CLOCK: variants seen among roughly 807,000 people sequenced by gnomAD.
CLOCK encodes clock circadian regulator.
CLOCK carries 43 observed loss-of-function variants against 118.4 expected under a neutral mutation model. The ratio of observed to expected loss-of-function variants is 0.36; its 90% CI spans 0.28 to 0.47. The LOEUF is 0.47. Among genes scored for constraint, CLOCK ranks in the 20% least tolerant of loss-of-function variants. The pLI is 1.00. For missense variants in CLOCK, 846 were observed against 999.9 expected, an observed-to-expected ratio of 0.85 and a Z score of 2.08; for synonymous variants, 326 against 339.2, an observed-to-expected ratio of 0.96 and a Z score of 0.43.
intron 8 of CLOCK, among the ~76,000 whole-genome samples, chr4:55,469,463 G>A (rs960700961): frequency 6.6e-6 from 1 of 152,090 alleles, no homozygotes; most frequent in South Asian, 2.1e-4. Flanking sequence ...TATTTCAAAA[G>A]GGCACTGTTA....
intron 7 of CLOCK, among the ~76,000 whole-genome samples, chr4:55,475,550 G>A (rs1286202684): frequency 6.6e-6 from 1 of 152,146 alleles, no homozygotes. Flanking sequence ...AAGGAAGAGT[G>A]AATCAGTGTG....
intron 1 of CLOCK, among the ~76,000 whole-genome samples, chr4:55,532,631 C>A (rs1198947296): frequency 1.3e-5 from 2 of 151,942 alleles, no homozygotes; most frequent in Non-Finnish European, 2.9e-5. Flanking sequence ...CTTTGGGAGG[C>A]CAAGGTGGGA....
intron 2 of CLOCK, among the ~76,000 whole-genome samples, chr4:55,505,088 C>A (rs1386158545): frequency 1.3e-5 from 2 of 151,258 alleles, no homozygotes; most frequent in African/African-American, 4.9e-5. Flanking sequence ...AAGGCTGAGG[C>A]AGAGGTTGCA....
chr4:55,484,651 T>C (rs1336415641), intron 3 of CLOCK, among the ~76,000 whole-genome samples: 1 of 152,072 alleles, frequency 6.6e-6, no homozygotes, highest in African/African-American at 2.4e-5. Flanking sequence ...TCAAAAAGAA[T>C]TGTTAAGAGT....
At chr4:55,449,018 T>G in intron 17 of CLOCK, 150 bp from the exon 18 acceptor site, 1 of 669,506 alleles carries the variant, frequency 1.5e-6, no homozygotes. Context: ...TTCTCATCTA[T>G]ATTGGAAAGG....
At chr4:55,501,121 T>C (rs1728406473) in intron 2 of CLOCK, among the ~76,000 whole-genome samples, 1 of 152,200 alleles carries the variant, frequency 6.6e-6, no homozygotes, top group Non-Finnish European at 1.5e-5. Context: ...GCCAAAGTGT[T>C]TGGATTACAG....
At chr4:55,448,731 C>T in intron 18 of CLOCK, 48 bp downstream of exon 18, 9 of 1,453,700 alleles carry the variant, frequency 6.2e-6, no homozygotes, top group Non-Finnish European at 7.7e-6. Context: ...AGCTTAAAAG[C>T]AATTTATCAT....
intron 7 of CLOCK, among the ~76,000 whole-genome samples, chr4:55,473,882 A>G (rs901346908): frequency 6.6e-5 from 10 of 152,114 alleles, no homozygotes; most frequent in African/African-American, 9.7e-5. Flanking sequence ...TGACTGCTCC[A>G]CCAACTCACT....
At chr4:55,492,854 T>A (rs918527688) in intron 2 of CLOCK, among the ~76,000 whole-genome samples, 1 of 151,918 alleles carries the variant, frequency 6.6e-6, no homozygotes, top group Non-Finnish European at 1.5e-5. Flanking sequence ...CTAAAAAAAA[T>A]AAAATAAAAT....
intron 1 of CLOCK, among the ~76,000 whole-genome samples, chr4:55,510,297 C>T (rs950068885): frequency 2.0e-5 from 3 of 152,076 alleles, no homozygotes; most frequent in Non-Finnish European, 4.4e-5. Flanking sequence ...GAAAGCATAA[C>T]AGAGATACAA....
At chr4:55,497,380 T>G (rs904989339) in intron 2 of CLOCK, among the ~76,000 whole-genome samples, 1 of 152,212 alleles carries the variant, frequency 6.6e-6, no homozygotes, top group Non-Finnish European at 1.5e-5. Context: ...GTTAACTGAT[T>G]AGCAACCTTA....
intron 1 of CLOCK, among the ~76,000 whole-genome samples, chr4:55,538,052 G>A (rs532712555): frequency 9.1e-4 from 139 of 152,268 alleles, no homozygotes; most frequent in African/African-American, 3.0e-3. Context: ...AGACTAATCA[G>A]GGAAAAGGGG....
chr4:55,536,288 C>A (rs1730885761), intron 1 of CLOCK, among the ~76,000 whole-genome samples: 1 of 152,086 alleles, frequency 6.6e-6, no homozygotes, highest in Non-Finnish European at 1.5e-5. Flanking sequence ...AATAGCAACC[C>A]AGCCTCCACA....
At chr4:55,448,958 A>C in intron 17 of CLOCK, 90 bp from the exon 18 acceptor site, 1 of 1,036,558 alleles carries the variant, frequency 9.6e-7, no homozygotes, top group Non-Finnish European at 1.5e-6. Context: ...ATTCGTATTA[A>C]TAAACTTACC....
At chr4:55,522,309 T>C (rs991861737) in intron 1 of CLOCK, among the ~76,000 whole-genome samples, 17 of 152,124 alleles carry the variant, frequency 1.1e-4, no homozygotes, top group Non-Finnish European at 2.2e-4. Context: ...CTAATTCAAA[T>C]CTGAAGTCTA....
chr4:55,473,603 C>T (rs1006590409), intron 7 of CLOCK, among the ~76,000 whole-genome samples: 2 of 152,144 alleles, frequency 1.3e-5, no homozygotes, highest in African/African-American at 4.8e-5. Context: ...TTTATACAGG[C>T]ATACCTTGTT....
At chr4:55,481,296 A>G (rs1726919957) in intron 4 of CLOCK, among the ~76,000 whole-genome samples, 1 of 152,176 alleles carries the variant, frequency 6.6e-6, no homozygotes, top group Non-Finnish European at 1.5e-5. Context: ...TGTTATATGT[A>G]TATGAATTTT....
intron 12 of CLOCK, 57 bp from the exon 13 acceptor site, chr4:55,456,060 CAACTAGAAATAA>C (rs1326311790): frequency 1.4e-6 from 2 of 1,432,308 alleles, no homozygotes; most frequent in Non-Finnish European, 1.9e-6. Context: ...AGAAATATTT[CAACTAGAAATAA>C]ACTTTGGGGG....
intron 13 of CLOCK, among the ~76,000 whole-genome samples, chr4:55,455,275 C>A (rs1724838268): frequency 6.6e-6 from 1 of 152,170 alleles, no homozygotes; most frequent in East Asian, 1.9e-4. Context: ...AGGCTCCAAT[C>A]CTGTCTCTGC....
Sources: gnomAD v4.1 joint callset for allele counts (sites outside exome capture counted in the v4.1 genomes callset) on GRCh38, gnomAD v4.1.1 for gene constraint, MANE v1.5 for transcripts, NCBI Gene and HGNC (gene_info 2026-07-23, HGNC 2026-07-21) for gene names.